GRM8: variants seen among roughly 807,000 people sequenced by gnomAD.
GRM8 encodes glutamate metabotropic receptor 8.
GRM8 carries 47 observed loss-of-function variants against 87.2 expected under a neutral mutation model. That is an observed-to-expected ratio of 0.54 (90% CI 0.43 to 0.69). The LOEUF (loss-of-function observed/expected upper bound fraction) is 0.69. Ranked by LOEUF, GRM8 falls within the 30% of genes least tolerant of loss-of-function variation. The pLI, the probability that GRM8 is intolerant of heterozygous loss-of-function variation, is 0.00. For synonymous variants in GRM8, 396 were observed against 404.5 expected (o/e 0.98, Z 0.25); for missense variants, 1,019 against 1,139.2 (o/e 0.89, Z 1.52).
intron 2 of GRM8, among the ~76,000 whole-genome samples, chr7:127,110,482 T>C (rs1003120396): frequency 9.8e-5 from 15 of 152,322 alleles, no homozygotes; most frequent in Middle Eastern, 3.4e-3. Context: ...CTTTCCTTCA[T>C]TTCTTATTTT....
chr7:126,802,958 TG>T (rs1053755718), intron 6 of GRM8, among the ~76,000 whole-genome samples: 2 of 152,178 alleles, frequency 1.3e-5, no homozygotes, highest in African/African-American at 4.8e-5. Context: ...ACAAACCTGG[TG>T]AACAGGCATA....
intron 8 of GRM8, among the ~76,000 whole-genome samples, chr7:126,562,618 G>T (rs181223048): frequency 5.9e-5 from 9 of 152,270 alleles, no homozygotes; most frequent in African/African-American, 1.9e-4. Flanking sequence ...AAGGTTGCCC[G>T]GCGTGGTGGC....
intron 7 of GRM8, among the ~76,000 whole-genome samples, chr7:126,632,292 C>T (rs984886719): frequency 4.6e-5 from 7 of 152,148 alleles, no homozygotes; most frequent in African/African-American, 1.4e-4. Flanking sequence ...AGCTCAACAT[C>T]ACTGATCATT....
At chr7:126,615,203 G>C (rs141665950) in intron 7 of GRM8, among the ~76,000 whole-genome samples, 1,617 of 152,302 alleles carry the variant, frequency 0.011, 24 homozygotes, top group African/African-American at 0.037. Flanking sequence ...AGCCAGAAGA[G>C]AGTGGGGGCC....
chr7:127,006,865 G>A (rs17864094), intron 3 of GRM8, among the ~76,000 whole-genome samples: 1 of 151,884 alleles, frequency 6.6e-6, no homozygotes, highest in Non-Finnish European at 1.5e-5. Flanking sequence ...GAGGAGCCCT[G>A]ACTAATACAA....
intron 9 of GRM8, among the ~76,000 whole-genome samples, chr7:126,491,586 C>T (rs966978105): frequency 6.6e-6 from 1 of 152,120 alleles, no homozygotes; most frequent in African/African-American, 2.4e-5. Context: ...AATGGGGCCT[C>T]ATACAAACAA....
chr7:126,722,767 C>A (rs1439240923), intron 7 of GRM8, among the ~76,000 whole-genome samples: 3 of 151,692 alleles, frequency 2.0e-5, no homozygotes, highest in Non-Finnish European at 2.9e-5. Flanking sequence ...TATCACAGCA[C>A]TGTCACATTA....
chr7:126,548,221 G>A lies in GRM8; in HGVS notation c.1495-14334C>T, dbSNP rs377705899. 5.3e-5 allele frequency among the ~76,000 whole-genome samples: 8 copies of A among 152,076 alleles called. No homozygotes were observed. In the South Asian group the frequency reaches 1.2e-3, roughly 24 times the overall value. Reference sequence around the variant, plus strand: ...AGGAGAAATGCCTAATGTAGATGGCGAGTTGATGGGTGAAGCAAACCAACA... The same window carrying A: ...AGGAGAAATGCCTAATGTAGATGGCAAGTTGATGGGTGAAGCAAACCAACA... On this transcript the variant is annotated intron_variant, in intron 8 of 10. Coordinates refer to ENST00000339582, the MANE Select transcript of GRM8 (RefSeq NM_000845.3).
At chr7:126,891,066 A>G (rs1402583573) in intron 6 of GRM8, among the ~76,000 whole-genome samples, 1 of 151,950 alleles carries the variant, frequency 6.6e-6, no homozygotes, top group Admixed American at 6.6e-5. Flanking sequence ...CACAAAATTC[A>G]TCATCCTCCT....
intron 2 of GRM8, among the ~76,000 whole-genome samples, chr7:127,146,236 T>A (rs1395294269): frequency 6.6e-6 from 1 of 152,072 alleles, no homozygotes; most frequent in East Asian, 1.9e-4. Context: ...CTCTGTTATA[T>A]TTTCCCCTTC....
At chr7:126,661,661 G>A (rs1395935502) in intron 7 of GRM8, among the ~76,000 whole-genome samples, 3 of 152,256 alleles carry the variant, frequency 2.0e-5, no homozygotes, top group Middle Eastern at 3.4e-3. Flanking sequence ...CTGCACTGTC[G>A]CAAATGGGCT....
At chr7:127,129,321 ATATT>A (rs1827546774) in intron 2 of GRM8, among the ~76,000 whole-genome samples, 1 of 152,200 alleles carries the variant, frequency 6.6e-6, no homozygotes, top group Non-Finnish European at 1.5e-5. Context: ...TTATGAAAAG[ATATT>A]TATTTCCTTT....
At chr7:126,518,258 G>A (rs1411547587) in intron 9 of GRM8, among the ~76,000 whole-genome samples, 2 of 152,036 alleles carry the variant, frequency 1.3e-5, no homozygotes, top group Admixed American at 1.3e-4. Flanking sequence ...CTTTTCTGGG[G>A]TCACATCAGT....
chr7:127,072,665 A>G (rs1190807707), intron 3 of GRM8, among the ~76,000 whole-genome samples: 1 of 151,262 alleles, frequency 6.6e-6, no homozygotes, highest in African/African-American at 2.4e-5. Context: ...CTGGCTCAAC[A>G]CACAAATCGG....
chr7:127,237,865 T>C (rs929667895), intron 2 of GRM8, among the ~76,000 whole-genome samples: 7 of 152,250 alleles, frequency 4.6e-5, no homozygotes, highest in African/African-American at 1.4e-4. Flanking sequence ...GTGCTATTTT[T>C]AACTTAGAAT....
At chr7:127,169,494 G>T (rs1209851797) in intron 2 of GRM8, among the ~76,000 whole-genome samples, 1 of 152,196 alleles carries the variant, frequency 6.6e-6, no homozygotes, top group African/African-American at 2.4e-5. Context: ...AAGGGCTGAT[G>T]TAGAAGCTGC....
intron 8 of GRM8, among the ~76,000 whole-genome samples, chr7:126,565,197 C>A (rs187728240): frequency 5.3e-4 from 80 of 152,058 alleles, no homozygotes; most frequent in Non-Finnish European, 1.6e-4. Context: ...CCAGCCAGGG[C>A]AATTAGACAA....
At chr7:126,788,484 C>T (rs1820925826) in intron 6 of GRM8, among the ~76,000 whole-genome samples, 1 of 146,092 alleles carries the variant, frequency 6.8e-6, no homozygotes, top group African/African-American at 2.5e-5. Context: ...TGCTTTTTAA[C>T]ACCTCCCATC....
intron 6 of GRM8, among the ~76,000 whole-genome samples, chr7:126,783,209 G>A (rs1456173492): frequency 6.6e-6 from 1 of 152,144 alleles, no homozygotes; most frequent in Non-Finnish European, 1.5e-5. Flanking sequence ...CCCTATGGAA[G>A]ACTGGGGCCG....
Sources: gnomAD v4.1 joint callset for allele counts (sites outside exome capture counted in the v4.1 genomes callset) on GRCh38, gnomAD v4.1.1 for gene constraint, MANE v1.5 for transcripts, NCBI Gene and HGNC (gene_info 2026-07-23, HGNC 2026-07-21) for gene names.